RNF213: variants seen among roughly 807,000 people sequenced by gnomAD.
RNF213 encodes the protein ring finger protein 213.
A neutral mutation model predicts 514.4 loss-of-function variants in RNF213; 341 were observed. That is an observed-to-expected ratio of 0.66 (90% CI 0.61 to 0.73). RNF213 has a LOEUF of 0.73. Ranked by LOEUF, RNF213 falls within the 30% of genes least tolerant of loss-of-function variation. The pLI is 0.00. For synonymous variants in RNF213, 2,655 were observed against 2,658.2 expected (o/e 1.00, Z 0.04); for missense variants, 5,767 against 6,615.6 (o/e 0.87, Z 4.45).
chr17:80,348,423 C>T (rs2078389506), intron 29 of RNF213, 137 bp downstream of exon 29: 7 of 1,261,014 alleles, frequency 5.6e-6, no homozygotes, highest in South Asian at 1.2e-5. Flanking sequence ...AGCTCTCCTC[C>T]GCGGTAAGTG....
intron 11 of RNF213, among the ~76,000 whole-genome samples, chr17:80,306,034 T>C (rs2045345531): frequency 6.6e-6 from 1 of 152,036 alleles, no homozygotes; most frequent in African/African-American, 2.4e-5. Flanking sequence ...CTCACTAGGT[T>C]CCCCAGGCTG....
In RNF213 at chr17:80,368,149, A is replaced by G. The variant is rs1289379673; in HGVS notation, c.12155+6A>G. 1 of 1,613,968 alleles carries G rather than the reference A, an allele frequency of 6.2e-7. No individual in the cohort carries two copies. Among genetic ancestry groups the G allele is most frequent in the Non-Finnish European group, 8.5e-7 (1 of 1,179,890 alleles). ...GCTGTTTCCCAAGCGCACAGGTACAACACCCTTTCTCTCAAGAAAGCATCC... is the reference window on the plus strand; with the variant it reads ...GCTGTTTCCCAAGCGCACAGGTACAGCACCCTTTCTCTCAAGAAAGCATCC... On this transcript the variant is annotated splice_donor_region_variant and intron_variant, in intron 44 of 67. Coordinates refer to ENST00000582970, the MANE Select transcript of RNF213 (RefSeq NM_001256071.3).
intron 38 of RNF213, among the ~76,000 whole-genome samples, chr17:80,360,721 T>C (rs1299423905): frequency 6.6e-6 from 1 of 152,218 alleles, no homozygotes; most frequent in African/African-American, 2.4e-5. Context: ...TGCTGCCAGA[T>C]GCCAGAAGAT....
intron 3 of RNF213, chr17:80,278,903 G>A: frequency 6.5e-7 from 1 of 1,537,184 alleles, no homozygotes; most frequent in South Asian, 1.2e-5. Flanking sequence ...TCTGCAGACT[G>A]TGAGCAGGTA....
intron 10 of RNF213, among the ~76,000 whole-genome samples, chr17:80,296,318 T>C (rs769590286): frequency 5.9e-5 from 9 of 152,132 alleles, no homozygotes; most frequent in Non-Finnish European, 1.3e-4. Context: ...CCGTGCTGGG[T>C]CTGAATACCC....
chr17:80,385,319 T>C lies in RNF213; in HGVS notation c.14455+148T>C, dbSNP rs536783127. The C allele has an allele frequency of 2.5e-4, 269 of 1,094,852 alleles. 1 individual carries two copies. The South Asian group carries it at 3.4e-3, about 14-fold the overall frequency. 67.8% of individuals were successfully genotyped at this position (1,094,852 alleles called of 1,614,324 possible). A position where few individuals can be genotyped will look rare whatever the true frequency, so the allele number is the denominator to read the frequency against. ...CCCTTACCATGCGGTGAAGGGTGCT[T>C]GAACCCCAAAAACATATTAGAAGCT... On this transcript the variant is annotated intron_variant, in intron 60 of 67. Transcript: ENST00000582970.
At position 80,373,174 on chromosome 17, in the gene RNF213, C is replaced by T. The variant is rs375033522; in HGVS notation, c.12942+9C>T. 78 of 1,604,722 alleles carry T rather than the reference C, an allele frequency of 4.9e-5. No homozygotes were observed. Among genetic ancestry groups the T allele is most frequent in the Middle Eastern group, 2.1e-4 (1 of 4,684 alleles). On this transcript the variant is annotated intron_variant, in intron 49 of 67. Transcript: ENST00000582970. ...ACGTTGTCAAGCAGCAGGTGAGAAGCGGGGCCGGGCAGCACACAAACATGC... is the reference window on the plus strand; with the variant it reads ...ACGTTGTCAAGCAGCAGGTGAGAAGTGGGGCCGGGCAGCACACAAACATGC...
chr17:80,354,487 G>C lies in RNF213; in HGVS notation c.10773G>C (p.Lys3591Asn). Residue 3591 changes from lysine to asparagine, a missense_variant, in exon 36 of 68, where the codon AAG (lysine) becomes AAC (asparagine). Physicochemically the swap from Lys to Asn is moderately conservative, Grantham distance 94. Around this residue, in one of 13 missense-constraint regions of RNF213, gnomAD observed 919 missense variants for 1,121.0 expected, o/e 0.82. Coordinates refer to ENST00000582970, the MANE Select transcript of RNF213 (RefSeq NM_001256071.3). The stretch of plus-strand genomic sequence containing the variant: ...AGATGCGCCTCAGTGTCTTTTTAAA[G>C]AAGCAAGAAGAGAGCCAGTTTCACC... ...VSKMRLSVFLKKQEESQFHPL... is the reference protein window; with the variant it reads ...VSKMRLSVFLNKQEESQFHPL... The C allele has an allele frequency of 6.2e-7, 1 of 1,614,204 alleles. No individual in the cohort carries two copies.
Position 80,288,548 on chromosome 17 carries a change from T to G in RNF213, c.811-85T>G. 6.2e-7 allele frequency: 1 copy of G among 1,612,342 alleles called. No homozygotes were observed. Among genetic ancestry groups the G allele is most frequent in the Non-Finnish European group, 8.5e-7 (1 of 1,179,238 alleles). On this transcript the variant is annotated intron_variant, in intron 4 of 67. Transcript: ENST00000582970. This position sits in a 1 kb window ranked among gnomAD's most constrained non-coding sequence, Gnocchi z 4.9. ...CCAGCCCACCCTGTCCCTCGGCTTG[T>G]GGCAGATGCTGCCCCTTAAACCATT...
At position 80,379,718 on chromosome 17, in the gene RNF213, TGTGG is replaced by T; in HGVS notation, c.13640+7_13640+10del. 6.2e-7 allele frequency: 1 copy of T among 1,613,436 alleles called. No homozygotes were observed. The highest frequency in any genetic ancestry group is 8.5e-7 in the Non-Finnish European group (1 of 1,179,318). ...GGGACGGCTTTCATCTGGTCAAGTA[TGTGG>T]GTCAGGATTCTATTTCCTAAGTACT... On this transcript the variant is annotated splice_donor_5th_base_variant and intron_variant, in intron 55 of 67. Transcript: ENST00000582970.
At chr17:80,360,564 TG>T (rs1319083120) in intron 38 of RNF213, among the ~76,000 whole-genome samples, 1 of 152,148 alleles carries the variant, frequency 6.6e-6, no homozygotes, top group Non-Finnish European at 1.5e-5. Context: ...CTTCTCAGAC[TG>T]GGGCACTGGA....
intron 3 of RNF213, among the ~76,000 whole-genome samples, chr17:80,284,351 T>C (rs1415183964): frequency 1.4e-5 from 2 of 144,226 alleles, no homozygotes; most frequent in Non-Finnish European, 3.0e-5. Context: ...GCAACAAGAG[T>C]GAAACTTCGT....
intron 13 of RNF213, among the ~76,000 whole-genome samples, chr17:80,307,929 T>C (rs979555824): frequency 1.2e-4 from 18 of 151,954 alleles, no homozygotes; most frequent in Non-Finnish European, 1.9e-4. Flanking sequence ...CTCCCCCTGA[T>C]CTTTTTTCCT....
chr17:80,304,332 C>T (rs971083407), intron 11 of RNF213, among the ~76,000 whole-genome samples: 2 of 152,100 alleles, frequency 1.3e-5, no homozygotes, highest in East Asian at 1.9e-4. Context: ...TGATCCTGGA[C>T]ACTCGTTAAT....
At chr17:80,389,033 C>A in intron 64 of RNF213, 140 bp from the exon 65 acceptor site, 2 of 771,432 alleles carry the variant, frequency 2.6e-6, no homozygotes, top group Admixed American at 4.0e-5. Flanking sequence ...GCCTGCACAC[C>A]GTGCGCCCAA....
chr17:80,365,289 G>A (rs925999998), intron 42 of RNF213: 3 of 153,284 alleles, frequency 2.0e-5, no homozygotes, highest in African/African-American at 7.2e-5. Flanking sequence ...GGCCAGCATG[G>A]ATGCTGGATG....
Position 80,385,161 on chromosome 17 carries a change from G to A in RNF213, c.14445G>A (p.Lys4815=), listed in dbSNP as rs1409691570. 2 of 1,614,064 alleles carry A rather than the reference G, an allele frequency of 1.2e-6. No individual in the cohort carries two copies. Among genetic ancestry groups the A allele is most frequent in the African/African-American group, 2.7e-5 (2 of 74,910 alleles). Reference sequence around the variant, plus strand: ...GCTCCATCAGAGGCTTCCTCAGCAAGCACAGCTCAGGTGTGGCTCTGCTCT... The same window carrying A: ...GCTCCATCAGAGGCTTCCTCAGCAAACACAGCTCAGGTGTGGCTCTGCTCT... ...EYSSIRGFLS[K]HSSDGLRQLL... Residue 4815 remains lysine, a synonymous_variant, in exon 60 of 68, where the codon AAG becomes AAA. Coordinates refer to ENST00000582970, the MANE Select transcript of RNF213 (RefSeq NM_001256071.3).
At chr17:80,325,400 C>G (rs553321001) in intron 18 of RNF213, among the ~76,000 whole-genome samples, 2 of 152,228 alleles carry the variant, frequency 1.3e-5, no homozygotes, top group South Asian at 4.1e-4. Context: ...CTAACAGCCA[C>G]TATTCATTGA....
At chr17:80,313,827 G>GTAA (rs1242510458) in intron 15 of RNF213, among the ~76,000 whole-genome samples, 2 of 71,540 alleles carry the variant, frequency 2.8e-5, no homozygotes, top group South Asian at 4.0e-4. Context: ...GATGGTGGTG[G>GTAA]TGGAGGTGAT....
Sources: allele counts gnomAD v4.1 joint callset (sites outside exome capture counted in the v4.1 genomes callset), GRCh38; gene constraint gnomAD v4.1.1; regional missense constraint gnomAD v4.1.1; non-coding constraint Gnocchi (gnomAD v3.1); transcripts MANE v1.5; gene names NCBI Gene and HGNC (gene_info 2026-07-23, HGNC 2026-07-21).